Variants in FRYL observed in about 807,000 individuals in gnomAD.
FRYL encodes the protein protein furry homolog-like.
In FRYL, 150 loss-of-function variants were observed where a neutral mutation model predicts 351.2. The ratio of observed to expected loss-of-function variants is 0.43; its 90% CI spans 0.37 to 0.49. The LOEUF (loss-of-function observed/expected upper bound fraction) is 0.49. FRYL is among the 20% of genes least tolerant of loss of function. The pLI is 0.00. For missense variants in FRYL, 3,036 were observed against 3,619.3 expected (o/e 0.84, Z 4.13); for synonymous variants, 1,153 against 1,257.1 (o/e 0.92, Z 1.75).
At chr4:48,695,701 G>A (rs1206916267) in intron 2 of FRYL, among the ~76,000 whole-genome samples, 1 of 152,116 alleles carries the variant, frequency 6.6e-6, no homozygotes, top group Non-Finnish European at 1.5e-5. Context: ...AAACTAAAGA[G>A]CTTCTCTACA....
At position 48,499,632 on chromosome 4, in the gene FRYL, T is replaced by C. The variant is rs943824057; in HGVS notation, c.8832A>G (p.Val2944=). The change falls in exon 64 of 64, where the codon GTA becomes GTG. Residue 2944 remains valine (V), a synonymous_variant. Transcript: ENST00000358350. ...GGAAATATATATGTAACAGTGTCTG[T>C]ACAGGGTCATCTTCACAACTGCCAA... is the stretch of plus-strand genomic sequence containing the variant. ...DIFGSCEDDP[V]QTLLHIYFHH... 2.5e-6 allele frequency: 4 copies of C among 1,613,998 alleles called. No homozygotes were observed.
chr4:48,685,033 A>C (rs1003337043), intron 2 of FRYL, among the ~76,000 whole-genome samples: 2 of 152,170 alleles, frequency 1.3e-5, no homozygotes, highest in African/African-American at 4.8e-5. Flanking sequence ...TCCCAGCTTC[A>C]ACAATTAACT....
intron 6 of FRYL, among the ~76,000 whole-genome samples, chr4:48,620,097 T>C (rs1204034182): frequency 2.6e-5 from 4 of 152,198 alleles, no homozygotes; most frequent in Non-Finnish European, 4.4e-5. Flanking sequence ...AAGTGGCATC[T>C]ACTGAAGTCC....
chr4:48,606,367 CTT>C (rs1280867492), intron 10 of FRYL, 69 bp downstream of exon 10: 1 of 982,032 alleles, frequency 1.0e-6, no homozygotes, highest in East Asian at 2.5e-5. Context: ...TATTTTGTTT[CTT>C]TTAAAAAGTC....
chr4:48,763,792 C>G (rs1166840991), intron 1 of FRYL, among the ~76,000 whole-genome samples: 2 of 152,144 alleles, frequency 1.3e-5, no homozygotes, highest in East Asian at 3.8e-4. Context: ...ATAGGAAAGG[C>G]TGAAGTAAAA....
At chr4:48,515,761 T>C (rs2148797369) in intron 55 of FRYL, among the ~76,000 whole-genome samples, 1 of 152,342 alleles carries the variant, frequency 6.6e-6, no homozygotes, top group South Asian at 2.1e-4. Flanking sequence ...CCTATTATCA[T>C]ATAGAAACAT....
chr4:48,506,613 CTAAT>C (rs1720999371), intron 59 of FRYL: 2 of 64,656 alleles, frequency 3.1e-5, no homozygotes, highest in South Asian at 1.2e-3. Flanking sequence ...AACAATACAA[CTAAT>C]ATATATATAT....
chr4:48,779,117 G>A (rs1449426129), intron 1 of FRYL, among the ~76,000 whole-genome samples: 1 of 152,092 alleles, frequency 6.6e-6, no homozygotes, highest in East Asian at 1.9e-4. Flanking sequence ...TAGGATGGCA[G>A]GAAAGACCGG....
At chr4:48,590,050 T>C (rs1036368194) in intron 17 of FRYL, among the ~76,000 whole-genome samples, 173 bp from the exon 18 acceptor site, 15 of 152,318 alleles carry the variant, frequency 9.8e-5, no homozygotes, top group African/African-American at 3.1e-4. Flanking sequence ...ATTGGACTAA[T>C]TGGAGAAATT....
At position 48,609,067 on chromosome 4, in the gene FRYL, T is replaced by G; in HGVS notation, c.492A>C (p.Gly164=). The G allele has an allele frequency of 6.4e-7, 1 of 1,572,380 alleles. No individual in the cohort carries two copies. The highest frequency in any genetic ancestry group is 8.7e-7 in the Non-Finnish European group (1 of 1,144,082). The change falls in exon 9 of 64, where the codon GGA becomes GGC. Residue 164 remains glycine, a splice_region_variant and synonymous_variant. Coordinates refer to ENST00000358350, the MANE Select transcript of FRYL (RefSeq NM_015030.2). ...LAFKHFKHKE[G]YSGTNTGNVH... ...CATTCCCAGTGTTGGTTCCTGAATA[T>G]CTAAAATAACAAAAGAACAAACATA...
At chr4:48,671,826 C>A (rs814062) in intron 3 of FRYL, among the ~76,000 whole-genome samples, 1 of 127,636 alleles carries the variant, frequency 7.8e-6, no homozygotes, top group African/African-American at 3.0e-5. Context: ...GCACTCCAGC[C>A]TGGGCGAGAG....
chr4:48,563,093 C>T (rs1270611075), intron 31 of FRYL, 105 bp from the exon 32 acceptor site: 2 of 675,654 alleles, frequency 3.0e-6, no homozygotes, highest in Non-Finnish European at 5.1e-6. Flanking sequence ...CATCTATCTT[C>T]TAAGCCTATG....
intron 1 of FRYL, among the ~76,000 whole-genome samples, chr4:48,763,377 G>T (rs191239975): frequency 2.1e-3 from 314 of 152,126 alleles, no homozygotes; most frequent in South Asian, 7.5e-3. Context: ...CAGGAGGATC[G>T]CTTGATCCCA....
chr4:48,501,775 C>T (rs1719721384), intron 61 of FRYL, 42 bp from the exon 62 acceptor site: 1 of 1,109,650 alleles, frequency 9.0e-7, no homozygotes. Context: ...GTGTTATTTT[C>T]TAGACAGCAT....
At chr4:48,711,539 C>T (rs1768039076) in intron 1 of FRYL, among the ~76,000 whole-genome samples, 1 of 152,206 alleles carries the variant, frequency 6.6e-6, no homozygotes, top group African/African-American at 2.4e-5. Context: ...CCCAGGCTTG[C>T]TTAGGTAAAC....
Position 48,715,713 on chromosome 4 carries a change from C to T in FRYL, c.-383-5015G>A, listed in dbSNP as rs577698665. Among the ~76,000 whole-genome samples, 43 of 152,154 alleles carry T rather than the reference C, an allele frequency of 2.8e-4. No homozygotes were observed. In the South Asian group the frequency reaches 3.1e-3, roughly 11 times the overall value. Reference sequence around the variant, plus strand: ...GCCATACTGCCCAAGGTAATTTATACATTCAATGCCATCCCCATCAAGCTA... The same window carrying T: ...GCCATACTGCCCAAGGTAATTTATATATTCAATGCCATCCCCATCAAGCTA... On this transcript the variant is annotated intron_variant, in intron 1 of 63. Transcript: ENST00000358350.
chr4:48,766,983 A>G (rs2109395981), intron 1 of FRYL, among the ~76,000 whole-genome samples: 1 of 147,940 alleles, frequency 6.8e-6, no homozygotes, highest in East Asian at 1.9e-4. Flanking sequence ...CATAATATAT[A>G]TCTATATATT....
chr4:48,685,756 T>A (rs1007240013), intron 2 of FRYL, among the ~76,000 whole-genome samples: 1 of 151,750 alleles, frequency 6.6e-6, no homozygotes, highest in Non-Finnish European at 1.5e-5. Flanking sequence ...TCATGTTTTC[T>A]TGGCTTTTTT....
rs531615273 is a variant in FRYL at position 48,528,415 on chromosome 4, A to G, written c.6904-79T>C. The G allele has an allele frequency of 9.5e-6, 10 of 1,047,898 alleles. No homozygotes were observed. The Admixed American group carries it at 2.0e-4, about 21-fold the overall frequency. 64.9% of individuals were successfully genotyped at this position (1,047,898 alleles called of 1,614,324 possible). On this transcript the variant is annotated intron_variant, in intron 50 of 63. Transcript: ENST00000358350. The stretch of plus-strand genomic sequence containing the variant: ...ACTTAAAAGGGTTAACAGTGCACCT[A>G]TAATATTTTTTACAAATAAAAAAAA...
Sources: allele counts gnomAD v4.1 joint callset (sites outside exome capture counted in the v4.1 genomes callset), GRCh38; gene constraint gnomAD v4.1.1; transcripts MANE v1.5; gene names NCBI Gene and HGNC (gene_info 2026-07-23, HGNC 2026-07-21).